The following KDM4C variants were observed in gnomAD, a reference collection of about 807,000 sequenced individuals.
KDM4C encodes the protein lysine demethylase 4C.
A neutral mutation model predicts 129.3 loss-of-function variants in KDM4C; 81 were observed. The observed-to-expected ratio is 0.63, with a 90% CI of 0.52 to 0.75. The LOEUF (loss-of-function observed/expected upper bound fraction) is 0.75. Ranked by LOEUF, KDM4C falls within the 30% of genes least tolerant of loss-of-function variation. The pLI is 0.00. For missense variants in KDM4C, 1,457 were observed against 1,304.0 expected, an observed-to-expected ratio of 1.12 and a Z score of -1.81; for synonymous variants, 573 against 456.1, an observed-to-expected ratio of 1.26 and a Z score of -3.26.
chr9:6,951,769 T>C (rs575984151), intron 8 of KDM4C, among the ~76,000 whole-genome samples: 75 of 152,338 alleles, frequency 4.9e-4, no homozygotes, highest in Non-Finnish European at 9.0e-4. Flanking sequence ...CCCAAATTCA[T>C]TTATAATTAA....
chr9:7,048,404 C>A (rs957749219), intron 16 of KDM4C, among the ~76,000 whole-genome samples: 6 of 152,006 alleles, frequency 3.9e-5, no homozygotes. Context: ...CTTTCAAGAT[C>A]TCTTCAAACC....
intron 15 of KDM4C, among the ~76,000 whole-genome samples, chr9:7,044,440 T>C (rs545462366): frequency 1.3e-5 from 2 of 151,964 alleles, no homozygotes; most frequent in Admixed American, 1.3e-4. Context: ...TGGGTGGCTA[T>C]TGCAATAGTT....
At chr9:6,913,434 C>T (rs934368626) in intron 8 of KDM4C, among the ~76,000 whole-genome samples, 1 of 152,200 alleles carries the variant, frequency 6.6e-6, no homozygotes, top group African/African-American at 2.4e-5. Flanking sequence ...GCAAAATGGG[C>T]TTTTATCATG....
chr9:6,722,941 C>T (rs994271707), intron 1 of KDM4C, among the ~76,000 whole-genome samples: 2 of 152,014 alleles, frequency 1.3e-5, no homozygotes, highest in Non-Finnish European at 2.9e-5. Flanking sequence ...CGAAATCGCA[C>T]GACTGCACTC....
At chr9:7,165,429 G>C (rs1844279449) in intron 20 of KDM4C, 72 bp downstream of exon 20, 4 of 1,525,578 alleles carry the variant, frequency 2.6e-6, no homozygotes, top group Middle Eastern at 1.8e-4. Flanking sequence ...TATCTCAAGT[G>C]TGCTGCTGAA....
intron 4 of KDM4C, among the ~76,000 whole-genome samples, chr9:6,833,904 T>A (rs1452246650): frequency 1.3e-5 from 2 of 152,018 alleles, no homozygotes; most frequent in African/African-American, 4.8e-5. Flanking sequence ...CCGTGAAGAA[T>A]GTTTGTTTAG....
At chr9:7,128,815 G>C (rs951565432) in intron 19 of KDM4C, among the ~76,000 whole-genome samples, 1 of 152,080 alleles carries the variant, frequency 6.6e-6, no homozygotes, top group East Asian at 1.9e-4. Flanking sequence ...TGGCTGTCTT[G>C]TTGGTCTGTC....
rs1223163428 is a variant in KDM4C at position 6,758,863 on chromosome 9, A to C, written c.-18+660A>C. On this transcript the variant is annotated intron_variant, in intron 1 of 21. Transcript: ENST00000381309. This position sits in a 1 kb window ranked among gnomAD's most constrained non-coding sequence, Gnocchi z 4.6. Reference sequence around the variant, plus strand: ...CTGCCAGGCACAGAACGTGGCGTGGAGTGGGGACGTGGAGGAGGGAGCCAG... The same window carrying C: ...CTGCCAGGCACAGAACGTGGCGTGGCGTGGGGACGTGGAGGAGGGAGCCAG... Among the ~76,000 whole-genome samples, 1 of 152,090 alleles carries C rather than the reference A, an allele frequency of 6.6e-6. No individual in the cohort carries two copies. The highest frequency in any genetic ancestry group is 1.5e-5 in the Non-Finnish European group (1 of 68,004).
At chr9:6,757,541 C>T (rs1195882731), upstream of KDM4C, 2 of 795,302 alleles carry the variant, frequency 2.5e-6, no homozygotes, top group Non-Finnish European at 3.0e-6. Flanking sequence ...GCGCTGTCAT[C>T]GCCGGAGAGC....
chr9:6,741,241 C>G (rs1817682086), intron 1 of KDM4C, among the ~76,000 whole-genome samples: 1 of 150,538 alleles, frequency 6.6e-6, no homozygotes, highest in African/African-American at 2.4e-5. Context: ...ACTAAAAATA[C>G]AAAAATTAGC....
intron 1 of KDM4C, among the ~76,000 whole-genome samples, chr9:6,767,854 C>A (rs1244858470): frequency 6.6e-6 from 1 of 152,026 alleles, no homozygotes; most frequent in Non-Finnish European, 1.5e-5. Context: ...AGGCAGCTTT[C>A]ATTAGCAGGA....
chr9:6,966,732 A>AAG (rs1156277944), intron 8 of KDM4C, among the ~76,000 whole-genome samples: 1 of 152,168 alleles, frequency 6.6e-6, no homozygotes, highest in Admixed American at 6.5e-5. Context: ...TAGGGAAAAA[A>AAG]AGTCTTCATT....
At chr9:7,050,442 C>CAAAAAAAAAAAAAAAAAAAA (rs71500910) in intron 17 of KDM4C, among the ~76,000 whole-genome samples, 6 of 78,244 alleles carry the variant, frequency 7.7e-5, no homozygotes, top group Non-Finnish European at 1.1e-4. Context: ...CCCAGATTAC[C>CAAAAAAAAAAAAAAAAAAAA]AAAAAAAAAA....
At chr9:6,834,243 C>G (rs971029473) in intron 4 of KDM4C, among the ~76,000 whole-genome samples, 1 of 151,934 alleles carries the variant, frequency 6.6e-6, no homozygotes, top group Non-Finnish European at 1.5e-5. Context: ...GCCATGTTGC[C>G]CAGGCTGATT....
chr9:7,046,051 G>A (rs1394498294), intron 15 of KDM4C, among the ~76,000 whole-genome samples: 1 of 151,994 alleles, frequency 6.6e-6, no homozygotes, highest in Non-Finnish European at 1.5e-5. Flanking sequence ...AAAATTGAGA[G>A]GACAAGCTTG....
chr9:7,116,602 A>G (rs1157553457), intron 18 of KDM4C, among the ~76,000 whole-genome samples: 2 of 152,198 alleles, frequency 1.3e-5, no homozygotes, highest in African/African-American at 2.4e-5. Context: ...ACAATCTGAC[A>G]GATGGATTTA....
chr9:6,925,390 C>G (rs1477909158), intron 8 of KDM4C: 2 of 984,764 alleles, frequency 2.0e-6, no homozygotes, highest in Non-Finnish European at 2.4e-6. Flanking sequence ...AAATTAAAAG[C>G]TTTTTTTCTT....
chr9:7,019,719 A>AT (rs1241550106), intron 15 of KDM4C, among the ~76,000 whole-genome samples: 44 of 112,786 alleles, frequency 3.9e-4, no homozygotes, highest in Non-Finnish European at 5.6e-4. Context: ...ATATAAAAAT[A>AT]TAATATTTTT....
intron 8 of KDM4C, among the ~76,000 whole-genome samples, chr9:6,962,851 G>C (rs1830259561): frequency 6.6e-6 from 1 of 152,064 alleles, no homozygotes; most frequent in Non-Finnish European, 1.5e-5. Flanking sequence ...TCAACATCAA[G>C]AATCAAGTAC....
Sources: gnomAD v4.1 joint callset for allele counts (sites outside exome capture counted in the v4.1 genomes callset) on GRCh38, gnomAD v4.1.1 for gene constraint, Gnocchi (gnomAD v3.1) non-coding constraint, MANE v1.5 for transcripts, NCBI Gene and HGNC (gene_info 2026-07-23, HGNC 2026-07-21) for gene names.